KIAA1217: variants seen among roughly 807,000 people sequenced by gnomAD.
KIAA1217 encodes the protein sickle tail protein homolog.
In KIAA1217, 88 loss-of-function variants were observed where a neutral mutation model predicts 163.9. That is an observed-to-expected ratio of 0.54 (90% CI 0.45 to 0.64). KIAA1217 has a LOEUF of 0.64. KIAA1217 is among the 30% of genes least tolerant of loss of function. KIAA1217 has a pLI of 0.00. For missense variants in KIAA1217, 2,372 were observed against 2,475.0 expected (o/e 0.96, Z 0.88); for synonymous variants, 903 against 923.1 (o/e 0.98, Z 0.39).
intron 2 of KIAA1217, among the ~76,000 whole-genome samples, chr10:24,346,486 A>C (rs956137153): frequency 6.6e-6 from 1 of 151,528 alleles, no homozygotes; most frequent in African/African-American, 2.4e-5. Flanking sequence ...AATAATAATA[A>C]TAATATTTCT....
chr10:24,312,972 A>T (rs573506946), intron 2 of KIAA1217, among the ~76,000 whole-genome samples: 1 of 152,318 alleles, frequency 6.6e-6, no homozygotes, highest in East Asian at 1.9e-4. Flanking sequence ...ATACATGCCA[A>T]GCACATAGGA....
intron 3 of KIAA1217, among the ~76,000 whole-genome samples, chr10:24,398,550 G>A (rs1435522019): frequency 6.6e-6 from 1 of 152,140 alleles, no homozygotes; most frequent in Non-Finnish European, 1.5e-5. Context: ...TTGTTAGAAA[G>A]CTTTAGAACA....
At chr10:24,195,167 G>A (rs555681696) in intron 2 of KIAA1217, among the ~76,000 whole-genome samples, 3 of 152,186 alleles carry the variant, frequency 2.0e-5, no homozygotes, top group Admixed American at 6.5e-5. Context: ...GCTCCTTCAG[G>A]CCTAGGAGAA....
chr10:23,832,579 C>G (rs901794335), intron 1 of KIAA1217, among the ~76,000 whole-genome samples: 1 of 152,128 alleles, frequency 6.6e-6, no homozygotes, highest in Non-Finnish European at 1.5e-5. Flanking sequence ...GCAGCCACCT[C>G]CCCATCCTAG....
chr10:24,175,059 A>C (rs2065809480), intron 2 of KIAA1217, among the ~76,000 whole-genome samples: 1 of 151,644 alleles, frequency 6.6e-6, no homozygotes, highest in Non-Finnish European at 1.5e-5. Context: ...ACAGGGTCTC[A>C]CTATGTTGGC....
At chr10:23,769,580 C>T (rs139649024) in intron 1 of KIAA1217, among the ~76,000 whole-genome samples, 38 of 152,266 alleles carry the variant, frequency 2.5e-4, no homozygotes, top group African/African-American at 9.1e-4. Context: ...AAATTAAGTT[C>T]CTCCCCAAAG....
intron 2 of KIAA1217, among the ~76,000 whole-genome samples, chr10:24,084,960 C>CTGGA (rs1287233338): frequency 7.1e-6 from 1 of 141,100 alleles, no homozygotes; most frequent in Admixed American, 7.4e-5. Flanking sequence ...GTCGCCCAGG[C>CTGGA]TGGAGTGCAG....
chr10:23,823,124 C>T (rs1328757909), intron 1 of KIAA1217, among the ~76,000 whole-genome samples: 1 of 152,212 alleles, frequency 6.6e-6, no homozygotes, highest in Non-Finnish European at 1.5e-5. Context: ...TCACCTGGAT[C>T]CTCTGCTTAG....
intron 1 of KIAA1217, among the ~76,000 whole-genome samples, chr10:23,946,326 G>T (rs947632927): frequency 2.1e-5 from 3 of 141,988 alleles, no homozygotes; most frequent in Non-Finnish European, 4.6e-5. Context: ...AAAAGTAAAA[G>T]AGCTATTTGG....
chr10:24,129,322 A>T (rs1170415111), intron 2 of KIAA1217, among the ~76,000 whole-genome samples: 1 of 152,186 alleles, frequency 6.6e-6, no homozygotes, highest in Non-Finnish European at 1.5e-5. Context: ...CAGAGAAATA[A>T]CATCATTAGA....
intron 1 of KIAA1217, among the ~76,000 whole-genome samples, chr10:23,809,295 G>C (rs1836878603): frequency 6.6e-6 from 1 of 152,016 alleles, no homozygotes; most frequent in African/African-American, 2.4e-5. Context: ...CATAGGTTGG[G>C]AGGGGGAGAG....
intron 1 of KIAA1217, among the ~76,000 whole-genome samples, chr10:23,712,407 T>G (rs1397987051): frequency 6.6e-6 from 1 of 151,580 alleles, no homozygotes; most frequent in Non-Finnish European, 1.5e-5. Flanking sequence ...TGGCTACCAT[T>G]ATAAGCCAAG....
intron 3 of KIAA1217, among the ~76,000 whole-genome samples, chr10:24,392,411 G>T (rs1334451446): frequency 6.6e-6 from 1 of 152,172 alleles, no homozygotes; most frequent in Non-Finnish European, 1.5e-5. Flanking sequence ...ACAGTATTAA[G>T]TCATGCAGTG....
chr10:24,350,245 C>G (rs902575503), intron 2 of KIAA1217, among the ~76,000 whole-genome samples: 1 of 152,150 alleles, frequency 6.6e-6, no homozygotes, highest in Non-Finnish European at 1.5e-5. Context: ...AAAACAGTGA[C>G]CTGGCTCCCC....
intron 5 of KIAA1217, among the ~76,000 whole-genome samples, chr10:24,439,937 T>C (rs1407509938): frequency 6.6e-6 from 1 of 152,208 alleles, no homozygotes; most frequent in Admixed American, 6.5e-5. Flanking sequence ...GATGCAGACA[T>C]CTTTCAGGGA....
At chr10:24,028,472 C>T (rs781207847) in intron 2 of KIAA1217, among the ~76,000 whole-genome samples, 2 of 152,006 alleles carry the variant, frequency 1.3e-5, no homozygotes. Flanking sequence ...ACATTTATGT[C>T]GACTTTTTCA....
At chr10:24,174,247 C>T (rs548531562) in intron 2 of KIAA1217, among the ~76,000 whole-genome samples, 7 of 152,346 alleles carry the variant, frequency 4.6e-5, no homozygotes, top group Admixed American at 1.3e-4. Context: ...AATGCAGGCC[C>T]TTCTATGTCT....
chr10:24,347,765 GT>G (rs928689969), intron 2 of KIAA1217, among the ~76,000 whole-genome samples: 12 of 152,066 alleles, frequency 7.9e-5, no homozygotes, highest in East Asian at 3.9e-4. Context: ...ATGCTTTGAG[GT>G]TTTTTTCCCC....
intron 1 of KIAA1217, among the ~76,000 whole-genome samples, chr10:23,832,300 A>G (rs1838244175): frequency 6.6e-6 from 1 of 152,214 alleles, no homozygotes; most frequent in South Asian, 2.1e-4. Flanking sequence ...GATACCTCAG[A>G]TGAAGAGGTG....
Sources: gnomAD v4.1 joint callset for allele counts (sites outside exome capture counted in the v4.1 genomes callset) on GRCh38, gnomAD v4.1.1 for gene constraint, MANE v1.5 for transcripts, NCBI Gene and HGNC (gene_info 2026-07-23, HGNC 2026-07-21) for gene names.